Variants in KCNMA1 observed in about 807,000 individuals in gnomAD.
KCNMA1 encodes potassium calcium-activated channel subfamily M alpha 1.
KCNMA1 carries 29 observed loss-of-function variants against 140.0 expected under a neutral mutation model. The ratio of observed to expected loss-of-function variants is 0.21; its 90% CI spans 0.15 to 0.28. The LOEUF (loss-of-function observed/expected upper bound fraction) is 0.28. KCNMA1 is among the 10% of genes least tolerant of loss of function. KCNMA1 has a pLI of 1.00. For synonymous variants in KCNMA1, 612 were observed against 611.9 expected (o/e 1.00, Z 0.00); for missense variants, 880 against 1,602.2 (o/e 0.55, Z 7.70).
chr10:77,594,681 C>G (rs906132951), intron 1 of KCNMA1, among the ~76,000 whole-genome samples: 2 of 152,196 alleles, frequency 1.3e-5, no homozygotes, highest in African/African-American at 4.8e-5. Flanking sequence ...ACTAAGAGAC[C>G]ATGGTTCACC....
At chr10:77,499,846 A>G (rs1019813216) in intron 1 of KCNMA1, among the ~76,000 whole-genome samples, 5 of 152,220 alleles carry the variant, frequency 3.3e-5, no homozygotes, top group Non-Finnish European at 7.3e-5. Flanking sequence ...AATGAAAACT[A>G]AAATTTATTG....
chr10:76,958,760 A>G (rs2069519131), intron 20 of KCNMA1, among the ~76,000 whole-genome samples: 1 of 152,154 alleles, frequency 6.6e-6, no homozygotes, highest in Non-Finnish European at 1.5e-5. Flanking sequence ...TACCCTTGGG[A>G]GGAACCAACC....
At chr10:77,105,656 T>C (rs1347642206) in intron 9 of KCNMA1, among the ~76,000 whole-genome samples, 3 of 152,238 alleles carry the variant, frequency 2.0e-5, no homozygotes, top group African/African-American at 7.2e-5. Context: ...CATGGACTTA[T>C]GCATACACAA....
chr10:77,135,671 A>G (rs10465982), intron 5 of KCNMA1, among the ~76,000 whole-genome samples: 3,611 of 152,332 alleles, frequency 0.024, 154 homozygotes, highest in African/African-American at 0.083. Context: ...AGAAAAGAAT[A>G]AATCCTTTCA....
intron 1 of KCNMA1, among the ~76,000 whole-genome samples, chr10:77,554,597 C>CAAAAAAAAAAAAAAAAAAAAAAAAAAA (rs59754706): frequency 5.9e-5 from 5 of 84,094 alleles, no homozygotes; most frequent in Non-Finnish European, 7.1e-5. Flanking sequence ...TACTCCATCT[C>CAAAAAAAAAAAAAAAAAAAAAAAAAAA]AAAAAAAAAA....
intron 1 of KCNMA1, among the ~76,000 whole-genome samples, chr10:77,478,473 T>C (rs1157940755): frequency 6.6e-6 from 1 of 152,160 alleles, no homozygotes; most frequent in Non-Finnish European, 1.5e-5. Flanking sequence ...GCTACGGTGA[T>C]TCTTACATTT....
chr10:77,619,615 C>A (rs1361867884), intron 1 of KCNMA1, among the ~76,000 whole-genome samples: 1 of 152,128 alleles, frequency 6.6e-6, no homozygotes, highest in Non-Finnish European at 1.5e-5. Context: ...TGACCAGCCA[C>A]CACATTGAGC....
At position 77,437,855 on chromosome 10, in the gene KCNMA1, C is replaced by T. The variant is rs145555210; in HGVS notation, c.379-33832G>A. Among the ~76,000 whole-genome samples, 395 of 152,212 alleles carry T rather than the reference C, an allele frequency of 2.6e-3. 3 individuals carry two copies. The highest frequency in any genetic ancestry group is 2.3e-3 in the Non-Finnish European group (155 of 68,014). On this transcript the variant is annotated intron_variant, in intron 1 of 27. Coordinates refer to ENST00000286628, the MANE Select transcript of KCNMA1 (RefSeq NM_001161352.2). ...CTTCCTTAAAGTAAGAGGCTGCATG[C>T]GATCAGGAGTGACAAACTCAAATGC... is the stretch of plus-strand genomic sequence containing the variant.
chr10:77,527,643 C>T (rs2056262783), intron 1 of KCNMA1, among the ~76,000 whole-genome samples: 1 of 152,148 alleles, frequency 6.6e-6, no homozygotes, highest in South Asian at 2.1e-4. Flanking sequence ...AACCAGAAGG[C>T]AGGTGCAATT....
At chr10:77,344,611 G>C (rs1257073135) in intron 2 of KCNMA1, among the ~76,000 whole-genome samples, 2 of 151,370 alleles carry the variant, frequency 1.3e-5, no homozygotes, top group Non-Finnish European at 2.9e-5. Flanking sequence ...AAATTCCAAA[G>C]ACTTGCATAT....
intron 9 of KCNMA1, among the ~76,000 whole-genome samples, chr10:77,106,453 C>T (rs570515155): frequency 6.6e-6 from 1 of 152,088 alleles, no homozygotes. Flanking sequence ...GCTGAGAGCC[C>T]CATCTGGGTC....
At chr10:77,254,224 C>CTTTTTTTT (rs11402076) in intron 2 of KCNMA1, among the ~76,000 whole-genome samples, 1 of 140,458 alleles carries the variant, frequency 7.1e-6, no homozygotes, top group Non-Finnish European at 1.5e-5. Context: ...GAAATATACT[C>CTTTTTTTT]TTTTTTTTTT....
chr10:77,086,618 T>C (rs774736942), intron 10 of KCNMA1, 25 bp from the exon 11 acceptor site: 27 of 1,544,486 alleles, frequency 1.7e-5, no homozygotes, highest in Non-Finnish European at 2.3e-5. Flanking sequence ...AAGAAATCGC[T>C]ATTAATTTAA....
chr10:77,499,715 A>G (rs1158715935), intron 1 of KCNMA1, among the ~76,000 whole-genome samples: 1 of 152,204 alleles, frequency 6.6e-6, no homozygotes, highest in African/African-American at 2.4e-5. Flanking sequence ...TAATTAAGAC[A>G]TTAATCAAAA....
intron 1 of KCNMA1, among the ~76,000 whole-genome samples, chr10:77,500,250 G>A (rs889706546): frequency 5.3e-5 from 8 of 150,480 alleles, no homozygotes; most frequent in Non-Finnish European, 1.2e-4. Flanking sequence ...TTAACTATAT[G>A]CAATAATATA....
intron 2 of KCNMA1, among the ~76,000 whole-genome samples, chr10:77,272,897 A>T (rs547055692): frequency 6.0e-4 from 91 of 152,308 alleles, no homozygotes; most frequent in African/African-American, 2.1e-3. Flanking sequence ...TTTCTATTGC[A>T]AATGATTTGT....
intron 19 of KCNMA1, among the ~76,000 whole-genome samples, chr10:76,975,001 C>T (rs1333527779): frequency 1.3e-5 from 2 of 152,158 alleles, no homozygotes; most frequent in Admixed American, 6.5e-5. Flanking sequence ...CTGTCTGTCT[C>T]GAACTGCCGG....
At chr10:77,211,140 A>C (rs12768378) in intron 3 of KCNMA1, among the ~76,000 whole-genome samples, 24,307 of 152,046 alleles carry the variant, frequency 0.16, 2,413 homozygotes, top group Non-Finnish European at 0.21. Flanking sequence ...AAAACAAAAA[A>C]ACAAAGCTGG....
chr10:77,374,059 C>T (rs1451841067), intron 2 of KCNMA1, among the ~76,000 whole-genome samples: 1 of 152,152 alleles, frequency 6.6e-6, no homozygotes, highest in Non-Finnish European at 1.5e-5. Flanking sequence ...GATTGAGAAT[C>T]TTAAGTTTCC....
Sources: allele counts gnomAD v4.1 joint callset (sites outside exome capture counted in the v4.1 genomes callset), GRCh38; gene constraint gnomAD v4.1.1; transcripts MANE v1.5; gene names NCBI Gene and HGNC (gene_info 2026-07-23, HGNC 2026-07-21).